SLC18A1: variants seen among roughly 807,000 people sequenced by gnomAD.
The protein encoded by SLC18A1 is chromaffin granule amine transporter.
In SLC18A1, 69 loss-of-function variants were observed where a neutral mutation model predicts 53.7. The ratio of observed to expected loss-of-function variants is 1.28; its 90% CI spans 1.06 to 1.57. SLC18A1 has a LOEUF of 1.57. Ranked by LOEUF, SLC18A1 falls within the 40% of genes most tolerant of loss-of-function variation. The pLI, the probability that SLC18A1 is intolerant of heterozygous loss-of-function variation, is 0.00. For synonymous variants in SLC18A1, 320 were observed against 248.1 expected (o/e 1.29, Z -2.72); for missense variants, 932 against 668.1 (o/e 1.40, Z -4.35).
chr8:20,171,403 A>T lies in SLC18A1; in HGVS notation c.814+2T>A. ...CTGCTGGAGGCTCTGATGGTGACTT[A>T]CCTCCATCCAGTAGTGCCAGGAAGG... On this transcript the variant is annotated splice_donor_variant, in intron 7 of 15. Coordinates refer to ENST00000276373, the MANE Select transcript of SLC18A1 (RefSeq NM_003053.4). LOFTEE classifies it high-confidence loss of function. 1.2e-6 allele frequency: 2 copies of T among 1,611,274 alleles called. No individual in the cohort carries two copies. The highest frequency in any genetic ancestry group is 4.5e-5 in the East Asian group (2 of 44,862).
chr8:20,154,772 A>G (rs1017461912), intron 10 of SLC18A1, among the ~76,000 whole-genome samples: 7 of 152,106 alleles, frequency 4.6e-5, no homozygotes, highest in African/African-American at 7.2e-5. Context: ...ACTCTATTAG[A>G]TCTTGCAACT....
At chr8:20,171,886 T>C (rs755775546) in intron 6 of SLC18A1, among the ~76,000 whole-genome samples, 15 of 152,024 alleles carry the variant, frequency 9.9e-5, no homozygotes, top group Admixed American at 2.0e-4. Context: ...GAAGCTTGTG[T>C]GAAGAACACA....
Position 20,179,251 on chromosome 8 carries a change from C to A in SLC18A1, c.358G>T (p.Ala120Ser), listed in dbSNP as rs540028005. 32 of 1,614,178 alleles carry A rather than the reference C, an allele frequency of 2.0e-5. No homozygotes were observed. The highest frequency in any genetic ancestry group is 8.8e-5 in the South Asian group (8 of 91,074). ...CCTTGCAAGCAGTTGTTTTTATGAG[C>A]TGAGATGGCTTCAGTGGCTGGAGGT... ...IPPPATEAIS[A>S]HKNNCLQGTG... The change falls in exon 3 of 16, where the codon GCT becomes TCT. Residue 120 changes from alanine to serine, a missense_variant. Transcript: ENST00000276373.
rs17092132 is a variant in SLC18A1, at chr8:20,173,155, G to A, written c.632-27C>T. ...TGCGCAGAGAGTTACAGATGCAGCTGGCCCCCTGGGGGGCTTCTATCCGCC... is the reference window on the plus strand; with the variant it reads ...TGCGCAGAGAGTTACAGATGCAGCTAGCCCCCTGGGGGGCTTCTATCCGCC... On this transcript the variant is annotated intron_variant, in intron 5 of 15. Transcript: ENST00000276373. 3.4e-3 allele frequency: 5,227 copies of A among 1,531,328 alleles called. 11 individuals are homozygous for A. Among genetic ancestry groups the A allele is most frequent in the Middle Eastern group, 4.9e-3 (29 of 5,934 alleles). The allele number at this position is 1,531,328 out of a possible 1,614,324, so 94.9% of individuals were successfully genotyped here. A position where few individuals can be genotyped will look rare whatever the true frequency, so the allele number is the denominator to read the frequency against.
chr8:20,150,908 A>T (rs1356423763), intron 10 of SLC18A1, 164 bp from the exon 11 acceptor site: 10 of 635,660 alleles, frequency 1.6e-5, no homozygotes, highest in Non-Finnish European at 2.6e-5. Flanking sequence ...TAGTTGCCAT[A>T]GGACCCCCAC....
chr8:20,180,020 G>A (rs746412137), intron 2 of SLC18A1, among the ~76,000 whole-genome samples: 2 of 152,016 alleles, frequency 1.3e-5, no homozygotes, highest in Non-Finnish European at 2.9e-5. Flanking sequence ...GAGAGGCCTT[G>A]GGCAAGTCAC....
chr8:20,148,391 T>G (rs1166928781), intron 12 of SLC18A1: 1 of 1,140,252 alleles, frequency 8.8e-7, no homozygotes, highest in Admixed American at 2.4e-5. Context: ...GGATACTTTC[T>G]CCCCTTCCTC....
intron 10 of SLC18A1, among the ~76,000 whole-genome samples, chr8:20,159,772 G>T (rs1306141298): frequency 6.6e-6 from 1 of 151,752 alleles, no homozygotes; most frequent in South Asian, 2.1e-4. Context: ...CAAACATTTT[G>T]CATCGTGCCT....
rs576521097 is a variant in SLC18A1, at chr8:20,182,933, A to G, written c.-124+130T>C. The G allele has an allele frequency of 6.6e-5, 10 of 152,360 alleles. No individual in the cohort carries two copies. The South Asian group carries it at 2.1e-3, about 32-fold the overall frequency. 9.4% of individuals were successfully genotyped at this position (152,360 alleles called of 1,614,324 possible). A position where few individuals can be genotyped will look rare whatever the true frequency, so the allele number is the denominator to read the frequency against. ...AGAAACACACACACCCAAATCCCAA[A>G]ACAAAAACAAACAAAACCAGGAATT... On this transcript the variant is annotated intron_variant, in intron 1 of 15. Coordinates refer to ENST00000276373, the MANE Select transcript of SLC18A1 (RefSeq NM_003053.4).
intron 12 of SLC18A1, among the ~76,000 whole-genome samples, chr8:20,149,388 G>A (rs1033061110): frequency 1.3e-5 from 2 of 151,944 alleles, no homozygotes; most frequent in African/African-American, 4.8e-5. Flanking sequence ...CAGACCTCCG[G>A]CTCCAGCTGC....
intron 2 of SLC18A1, 63 bp from the exon 3 acceptor site, chr8:20,179,547 C>A (rs982362957): frequency 6.5e-7 from 1 of 1,545,758 alleles, no homozygotes; most frequent in Non-Finnish European, 8.7e-7. Context: ...CACTGAAACT[C>A]AAGGGGCTAA....
intron 12 of SLC18A1, among the ~76,000 whole-genome samples, chr8:20,149,466 T>A (rs1563721667): frequency 6.6e-6 from 1 of 151,930 alleles, no homozygotes; most frequent in Non-Finnish European, 1.5e-5. Flanking sequence ...GGTGGCCTCT[T>A]CCCCCGTGCT....
intron 15 of SLC18A1, among the ~76,000 whole-genome samples, chr8:20,146,422 T>C (rs1465609480): frequency 6.6e-6 from 1 of 152,178 alleles, no homozygotes; most frequent in Non-Finnish European, 1.5e-5. Flanking sequence ...TAGTGAAAGT[T>C]ACAGCAGGAA....
At chr8:20,166,088 AAACC>A (rs2071950504) in intron 8 of SLC18A1, among the ~76,000 whole-genome samples, 1 of 151,872 alleles carries the variant, frequency 6.6e-6, no homozygotes, top group Non-Finnish European at 1.5e-5. Context: ...AAAGTACAAT[AAACC>A]CTTTGACCCA....
Position 20,148,013 on chromosome 8 carries a change from C to A in SLC18A1, c.1204G>T (p.Ala402Ser), listed in dbSNP as rs1009356862. ...LIGPNAGLGL[A>S]IGMVDSSMMP... is the part of the protein sequence containing the mutation. ...CTTTGAGGGCACTTCTTACCTATGGCAAGGCCAAGCCCTGCATTGGGGCCA... is the reference window on the plus strand; with the variant it reads ...CTTTGAGGGCACTTCTTACCTATGGAAAGGCCAAGCCCTGCATTGGGGCCA... Residue 402 changes from alanine to serine, a missense_variant, in exon 13 of 16, where the codon GCC (alanine) becomes TCC (serine). Physicochemically the swap from Ala to Ser is moderately conservative, Grantham distance 99. Coordinates refer to ENST00000276373, the MANE Select transcript of SLC18A1 (RefSeq NM_003053.4). 6.2e-7 allele frequency: 1 copy of A among 1,614,034 alleles called. No individual in the cohort carries two copies. Among genetic ancestry groups the A allele is most frequent in the African/African-American group, 1.3e-5 (1 of 75,034 alleles).
rs1433544358 is a variant in SLC18A1 at position 20,165,777 on chromosome 8, T to TCTTTAAAGTCAAGTTTAAAGA, written c.859-671_859-670insTCTTTAAACTTGACTTTAAAG. Among the ~76,000 whole-genome samples the TCTTTAAAGTCAAGTTTAAAGA allele has an allele frequency of 7.9e-5, 12 of 152,312 alleles. No individual in the cohort carries two copies. In the South Asian group the frequency reaches 1.0e-3, roughly 13 times the overall value. On this transcript the variant is annotated intron_variant, in intron 8 of 15. Transcript: ENST00000276373. Reference sequence around the variant, plus strand: ...CGTTCTGAGCTTCTCCATAGTTCCATGTTCTACCCACTCTTTAAAGTCAAG... The same window carrying TCTTTAAAGTCAAGTTTAAAGA: ...CGTTCTGAGCTTCTCCATAGTTCCATCTTTAAAGTCAAGTTTAAAGAGTTCTACCCACTCTTTAAAGTCAAG...
chr8:20,165,932 G>A (rs961390197), intron 8 of SLC18A1, among the ~76,000 whole-genome samples: 1 of 151,996 alleles, frequency 6.6e-6, no homozygotes, highest in Non-Finnish European at 1.5e-5. Flanking sequence ...GTAATAGATT[G>A]GATCATTTTG....
At chr8:20,167,776 A>G (rs2072006523) in intron 8 of SLC18A1, among the ~76,000 whole-genome samples, 1 of 151,278 alleles carries the variant, frequency 6.6e-6, no homozygotes, top group African/African-American at 2.5e-5. Context: ...ACCCACCGCC[A>G]CGCCTGGCTC....
chr8:20,162,707 C>A (rs1386572384), intron 10 of SLC18A1, among the ~76,000 whole-genome samples: 1 of 152,170 alleles, frequency 6.6e-6, no homozygotes, highest in Non-Finnish European at 1.5e-5. Context: ...CTATCTGAGA[C>A]CTCGTCAGAA....
Sources: allele counts gnomAD v4.1 joint callset (sites outside exome capture counted in the v4.1 genomes callset), GRCh38; gene constraint gnomAD v4.1.1; transcripts MANE v1.5; gene names NCBI Gene and HGNC (gene_info 2026-07-23, HGNC 2026-07-21).